The following VPS13B variants were observed in gnomAD, a reference collection of about 807,000 sequenced individuals.
The protein encoded by VPS13B is intermembrane lipid transfer protein VPS13B.
Under a neutral mutation model 426.4 loss-of-function variants are expected in VPS13B, and 285 were observed. The ratio of observed to expected loss-of-function variants is 0.67; its 90% CI spans 0.61 to 0.74. The LOEUF is 0.74. Among genes scored for constraint, VPS13B ranks in the 30% least tolerant of loss-of-function variants. VPS13B has a pLI of 0.00. For synonymous variants in VPS13B, 1,676 were observed against 1,676.4 expected (o/e 1.00, Z 0.01); for missense variants, 4,537 against 4,782.6 (o/e 0.95, Z 1.51).
intron 33 of VPS13B, among the ~76,000 whole-genome samples, chr8:99,586,964 C>A (rs936925514): frequency 3.9e-5 from 6 of 152,126 alleles, no homozygotes; most frequent in Non-Finnish European, 7.3e-5. Flanking sequence ...ACTCCTAATG[C>A]TATCCCTCCC....
intron 25 of VPS13B, among the ~76,000 whole-genome samples, chr8:99,482,038 G>C (rs892406837): frequency 6.6e-6 from 1 of 152,082 alleles, no homozygotes; most frequent in Non-Finnish European, 1.5e-5. Flanking sequence ...CTGTGAAATG[G>C]TGAAAACTGA....
At chr8:99,612,202 A>G (rs947034240) in intron 33 of VPS13B, among the ~76,000 whole-genome samples, 4 of 152,176 alleles carry the variant, frequency 2.6e-5, no homozygotes, top group African/African-American at 4.8e-5. Flanking sequence ...TTCTTGTGCA[A>G]CTTTCCTAAA....
chr8:99,451,144 C>T (rs1184418343), intron 23 of VPS13B, among the ~76,000 whole-genome samples: 1 of 152,070 alleles, frequency 6.6e-6, no homozygotes, highest in East Asian at 1.9e-4. Flanking sequence ...TTCCAGTACA[C>T]CTTGAAACAT....
chr8:99,501,804 C>A lies in VPS13B; in HGVS notation c.3988C>A (p.Leu1330Ile), dbSNP rs1821246354. ...GRVSLWMQWV[L>I]PKITIKLFAP... is the part of the protein sequence containing the mutation. ...TGTTAGTTTATGGATGCAGTGGGTG[C>A]TTCCCAAAATTACTATAAAGCTCTT... The change falls in exon 26 of 62, where the codon CTT becomes ATT. Residue 1330 changes from leucine (L) to isoleucine (I), a missense_variant. Physicochemically the swap from Leu to Ile is conservative, Grantham distance 5 (BLOSUM62 2). Coordinates refer to ENST00000357162, the MANE Select transcript of VPS13B (RefSeq NM_152564.5). 1 of 1,613,882 alleles carries A rather than the reference C, an allele frequency of 6.2e-7. No homozygotes were observed. Among genetic ancestry groups the A allele is most frequent in the Non-Finnish European group, 8.5e-7 (1 of 1,180,014 alleles).
intron 24 of VPS13B, among the ~76,000 whole-genome samples, chr8:99,468,224 C>A (rs1819215962): frequency 6.6e-6 from 1 of 152,058 alleles, no homozygotes; most frequent in Non-Finnish European, 1.5e-5. Context: ...TCAATTCCCA[C>A]CTGTGAGTGA....
At chr8:99,842,389 G>A (rs549318182) in intron 54 of VPS13B, among the ~76,000 whole-genome samples, 3 of 151,828 alleles carry the variant, frequency 2.0e-5, no homozygotes, top group Non-Finnish European at 2.9e-5. Flanking sequence ...GGAGCATCAC[G>A]TGGGGCCAGG....
At chr8:99,030,670 T>C (rs1842469338) in intron 2 of VPS13B, among the ~76,000 whole-genome samples, 1 of 152,204 alleles carries the variant, frequency 6.6e-6, no homozygotes, top group Non-Finnish European at 1.5e-5. Context: ...GCACAATATA[T>C]TATGCGTTCA....
In VPS13B at chr8:99,146,067, A is replaced by G. The variant is rs1211200452; in HGVS notation, c.1844-1774A>G. Among the ~76,000 whole-genome samples, 5 of 119,740 alleles carry G rather than the reference A, an allele frequency of 4.2e-5. No individual in the cohort carries two copies. In the Admixed American group the frequency reaches 5.3e-4, roughly 13 times the overall value. The allele number at this position is 119,740 out of a possible 152,430, so 78.6% of individuals were successfully genotyped here. ...TTAAAGTTGTGTTTCCTTATTGGCTAATGATGTTGAACATCTTTTTATGTG... is the reference window on the plus strand; with the variant it reads ...TTAAAGTTGTGTTTCCTTATTGGCTGATGATGTTGAACATCTTTTTATGTG... On this transcript the variant is annotated intron_variant, in intron 13 of 61. Coordinates refer to ENST00000357162, the MANE Select transcript of VPS13B (RefSeq NM_152564.5).
intron 56 of VPS13B, among the ~76,000 whole-genome samples, chr8:99,855,274 A>G (rs1055374850): frequency 5.9e-5 from 9 of 151,974 alleles, no homozygotes; most frequent in African/African-American, 2.2e-4. Flanking sequence ...CCCAGCTACT[A>G]CTGAGGCTGA....
intron 39 of VPS13B, among the ~76,000 whole-genome samples, chr8:99,730,152 G>C (rs1239508661): frequency 6.6e-6 from 1 of 152,132 alleles, no homozygotes; most frequent in Admixed American, 6.5e-5. Flanking sequence ...AGCACCTCCT[G>C]CCCACTGGCA....
intron 33 of VPS13B, among the ~76,000 whole-genome samples, chr8:99,624,874 A>G (rs1828540443): frequency 6.7e-6 from 1 of 149,974 alleles, no homozygotes; most frequent in Non-Finnish European, 1.5e-5. Context: ...CTGGGGTGCA[A>G]TGGCACAATC....
intron 5 of VPS13B, among the ~76,000 whole-genome samples, chr8:99,104,884 C>G (rs147933153): frequency 6.6e-6 from 1 of 152,168 alleles, no homozygotes; most frequent in South Asian, 2.1e-4. Flanking sequence ...CTTGGCCTCC[C>G]AAAGTGTTGG....
At chr8:99,802,167 A>C (rs368564093) in intron 43 of VPS13B, among the ~76,000 whole-genome samples, 1 of 151,262 alleles carries the variant, frequency 6.6e-6, no homozygotes, top group Admixed American at 6.6e-5. Flanking sequence ...AAAAAAAAAA[A>C]CAAGCTGTGG....
intron 19 of VPS13B, among the ~76,000 whole-genome samples, chr8:99,354,179 AAGTGATT>A (rs1225570897): frequency 6.8e-6 from 1 of 147,880 alleles, no homozygotes; most frequent in Non-Finnish European, 1.5e-5. Flanking sequence ...TCAAGTTGGG[AAGTGATT>A]TTTCACTCTT....
chr8:99,147,739 C>T, intron 13 of VPS13B, 102 bp from the exon 14 acceptor site: 3 of 722,282 alleles, frequency 4.2e-6, no homozygotes, highest in Admixed American at 8.0e-5. Flanking sequence ...AAAAGAAAAA[C>T]AGGATTTGAC....
Position 99,134,622 on chromosome 8 carries a change from T to C in VPS13B, c.1207-10T>C, listed in dbSNP as rs1293563176. On this transcript the variant is annotated splice_polypyrimidine_tract_variant and intron_variant, in intron 8 of 61. Transcript: ENST00000357162. ...AAATTTGATTTACTTAATATTCTTA[T>C]ATTTCTTAGCTCACAGAAATGCAAG... 2.5e-6 allele frequency: 4 copies of C among 1,578,698 alleles called. No homozygotes were observed. In the African/African-American group the frequency reaches 4.0e-5, roughly 16 times the overall value.
At chr8:99,681,209 C>T (rs976389962) in intron 35 of VPS13B, among the ~76,000 whole-genome samples, 5 of 152,184 alleles carry the variant, frequency 3.3e-5, no homozygotes, top group Admixed American at 6.5e-5. Context: ...GGTTCTCATT[C>T]TGGTGCGTGC....
At chr8:99,106,450 A>AAG (rs1563543515) in intron 5 of VPS13B, among the ~76,000 whole-genome samples, 1 of 150,646 alleles carries the variant, frequency 6.6e-6, no homozygotes, top group East Asian at 1.9e-4. Context: ...AAAAAAAAAA[A>AAG]AAAACCCAAA....
intron 21 of VPS13B, among the ~76,000 whole-genome samples, chr8:99,395,037 A>G (rs1814652670): frequency 6.6e-6 from 1 of 152,206 alleles, no homozygotes; most frequent in Non-Finnish European, 1.5e-5. Flanking sequence ...TGGACATTGG[A>G]CAATAGGCAG....
Sources: gnomAD v4.1 joint callset for allele counts (sites outside exome capture counted in the v4.1 genomes callset) on GRCh38, gnomAD v4.1.1 for gene constraint, MANE v1.5 for transcripts, NCBI Gene and HGNC (gene_info 2026-07-23, HGNC 2026-07-21) for gene names.